Variants in MYRFL observed in about 807,000 individuals in gnomAD.
The protein encoded by MYRFL is myelin regulatory factor like.
MYRFL carries 88 observed loss-of-function variants against 109.4 expected under a neutral mutation model. The observed-to-expected ratio is 0.80, with a 90% confidence interval of 0.68 to 0.96. The LOEUF (loss-of-function observed/expected upper bound fraction) is 0.96, where lower values mean the gene tolerates loss of function less well. MYRFL is among the 40% of genes least tolerant of loss of function. The pLI, the probability that MYRFL is intolerant of heterozygous loss-of-function variation, is 0.00. For missense variants in MYRFL, 957 were observed against 954.9 expected, an observed-to-expected ratio of 1.00 and a Z score of -0.03; for synonymous variants, 324 against 320.9, an observed-to-expected ratio of 1.01 and a Z score of -0.10.
intron 19 of MYRFL, among the ~76,000 whole-genome samples, chr12:69,945,730 G>A (rs534580680): frequency 6.6e-6 from 1 of 152,066 alleles, no homozygotes; most frequent in East Asian, 1.9e-4. Flanking sequence ...GCTCACGCCT[G>A]TAATCCCAGC....
Position 69,957,882 on chromosome 12 carries a change from T to A in MYRFL, c.2511T>A (p.His837Gln), listed in dbSNP as rs1483857016. Residue 837 changes from histidine to glutamine, a missense_variant, in exon 23 of 25, where the codon CAT becomes CAA. His to Gln is a conservative substitution (Grantham distance 24). Transcript: ENST00000552032. ...TCACCCTTGGAAATATATGTTTCCA[T>A]AGTAAAAGGGGAACCAAAGGGCTGG... is the stretch of plus-strand genomic sequence containing the variant. ...CKFTLGNICF[H>Q]SKRGTKGLES... 3 of 1,535,050 alleles carry A rather than the reference T, an allele frequency of 2.0e-6. No individual in the cohort carries two copies. Among genetic ancestry groups the A allele is most frequent in the Non-Finnish European group, 2.6e-6 (3 of 1,146,086 alleles).
At chr12:69,903,061 G>A (rs987368868) in intron 10 of MYRFL, among the ~76,000 whole-genome samples, 9 of 152,136 alleles carry the variant, frequency 5.9e-5, no homozygotes, top group African/African-American at 1.4e-4. Context: ...GTGAATTATC[G>A]CACAACAAAT....
rs931864355 is a variant in MYRFL at position 69,958,518 on chromosome 12, G to T, written c.2720G>T (p.Arg907Leu). 2 of 1,533,490 alleles carry T rather than the reference G, an allele frequency of 1.3e-6. No individual in the cohort carries two copies. The highest frequency in any genetic ancestry group is 3.4e-4 in the Middle Eastern group (2 of 5,868). 95.0% of individuals were successfully genotyped at this position (1,533,490 alleles called of 1,614,324 possible). The change falls in exon 25 of 25, where the codon CGA (arginine) becomes CTA (leucine). Residue 907 changes from arginine to leucine, a missense_variant. Physicochemically the swap from Arg to Leu is moderately radical, Grantham distance 102. Coordinates refer to ENST00000552032, the MANE Select transcript of MYRFL (RefSeq NM_182530.3). ...FFTDYFFYFY[R>L]RCA Reference sequence around the variant, plus strand: ...ACCGATTACTTCTTTTACTTCTATCGACGCTGTGCCTAATTTGTTCAAGTT... The same window carrying T: ...ACCGATTACTTCTTTTACTTCTATCTACGCTGTGCCTAATTTGTTCAAGTT...
At chr12:69,906,431 G>T (rs1191258534) in intron 11 of MYRFL, among the ~76,000 whole-genome samples, 1 of 152,132 alleles carries the variant, frequency 6.6e-6, no homozygotes, top group Non-Finnish European at 1.5e-5. Context: ...GGAAGGACAC[G>T]CTGAACACTA....
At chr12:69,926,836 C>T (rs542061210) in intron 14 of MYRFL, 102 bp downstream of exon 14, 30 of 1,059,922 alleles carry the variant, frequency 2.8e-5, no homozygotes, top group Middle Eastern at 4.4e-4. Flanking sequence ...AAACAGCAAC[C>T]GCTACTTTCT....
At chr12:69,901,391 C>T (rs1001556712) in intron 10 of MYRFL, among the ~76,000 whole-genome samples, 1 of 152,166 alleles carries the variant, frequency 6.6e-6, no homozygotes, top group African/African-American at 2.4e-5. Flanking sequence ...ATGAGGAATT[C>T]TCCCTAGGGC....
Position 69,936,161 on chromosome 12 carries a change from C to G in MYRFL, c.1965C>G (p.Asp655Glu). 1 of 1,446,200 alleles carries G rather than the reference C, an allele frequency of 6.9e-7. No individual in the cohort carries two copies. The highest frequency in any genetic ancestry group is 9.1e-7 in the Non-Finnish European group (1 of 1,097,960). The allele number at this position is 1,446,200 out of a possible 1,614,324, so 89.6% of individuals were successfully genotyped here. ...ALYILSLKDQ[D>E]RRVPNLPPSN... ...ATATACTTAGCTTAAAAGATCAAGA[C>G]CGACGTGTCCCAAATCTCCCTCCAA... Residue 655 changes from aspartate to glutamate, a missense_variant, in exon 17 of 25, where the codon GAC becomes GAG. Asp to Glu is a conservative substitution (Grantham distance 45). Transcript: ENST00000552032.
intron 19 of MYRFL, among the ~76,000 whole-genome samples, chr12:69,945,632 T>G (rs1051474807): frequency 1.1e-4 from 17 of 152,288 alleles, no homozygotes; most frequent in African/African-American, 4.1e-4. Context: ...TTGGGAAGAA[T>G]AGCCCTTATT....
chr12:69,852,953 A>C (rs1379422338), intron 1 of MYRFL, among the ~76,000 whole-genome samples: 2 of 152,202 alleles, frequency 1.3e-5, no homozygotes, highest in African/African-American at 2.4e-5. Flanking sequence ...TTTTCTTAGT[A>C]CAGAACAAAA....
chr12:69,852,650 G>T (rs1425014359), intron 1 of MYRFL, among the ~76,000 whole-genome samples: 1 of 144,980 alleles, frequency 6.9e-6, no homozygotes, highest in Admixed American at 7.0e-5. Context: ...GATTTGGCAG[G>T]GTCATAGGAC....
chr12:69,889,722 A>G lies in MYRFL; in HGVS notation c.708-1249A>G, dbSNP rs1886678754. Reference sequence around the variant, plus strand: ...AATACAAAAATTGGTTGGGCATGGTAGCTGGAGCCTGTAATCCCAGCTACT... The same window carrying G: ...AATACAAAAATTGGTTGGGCATGGTGGCTGGAGCCTGTAATCCCAGCTACT... On this transcript the variant is annotated intron_variant, in intron 6 of 24. Coordinates refer to ENST00000552032, the MANE Select transcript of MYRFL (RefSeq NM_182530.3). Among the ~76,000 whole-genome samples, 2 of 152,178 alleles carry G rather than the reference A, an allele frequency of 1.3e-5. 1 individual carries two copies. Among genetic ancestry groups the G allele is most frequent in the Middle Eastern group, 6.8e-3 (2 of 294 alleles).
intron 2 of MYRFL, among the ~76,000 whole-genome samples, chr12:69,857,215 C>T (rs1884348157): frequency 6.6e-6 from 1 of 151,858 alleles, no homozygotes; most frequent in South Asian, 2.1e-4. Flanking sequence ...CATTCCTTTC[C>T]ATTGATCTAC....
intron 5 of MYRFL, among the ~76,000 whole-genome samples, chr12:69,882,312 A>G (rs1185841537): frequency 6.8e-6 from 1 of 146,464 alleles, no homozygotes; most frequent in African/African-American, 2.7e-5. Flanking sequence ...AAGAAAAAAG[A>G]AAGAAAGAAA....
In MYRFL at chr12:69,936,090, T is replaced by TG; in HGVS notation, c.1917-23_1917-22insG. The stretch of plus-strand genomic sequence containing the variant: ...TCTGCCACATAATGTTTTTTTTTTT[T>TG]TTTTTTTTTTTTTTTTTGACAGTGC... On this transcript the variant is annotated intron_variant, in intron 16 of 24. Transcript: ENST00000552032. 20 of 1,369,472 alleles carry TG rather than the reference T, an allele frequency of 1.5e-5. No individual in the cohort carries two copies. In the African/African-American group the frequency reaches 1.5e-4, roughly 10 times the overall value. 84.8% of individuals were successfully genotyped at this position (1,369,472 alleles called of 1,614,324 possible).
intron 10 of MYRFL, among the ~76,000 whole-genome samples, chr12:69,901,860 C>T (rs1168054419): frequency 6.6e-6 from 1 of 151,734 alleles, no homozygotes; most frequent in African/African-American, 2.4e-5. Flanking sequence ...TACCCTCCCA[C>T]CCCATTACAT....
chr12:69,927,705 G>C lies in MYRFL; in HGVS notation c.1787G>C (p.Ser596Thr), dbSNP rs1380965947. The change falls in exon 15 of 25, where the codon AGT becomes ACT. Residue 596 changes from serine to threonine, a missense_variant. By Grantham distance (58) the Ser-to-Thr change is moderately conservative. Transcript: ENST00000552032. ...STISKSSRAV[S>T]ASSPRRAVHK... ...TAAAGCAAATCTAGCAGAGCCGTTA[G>C]TGCATCTTCTCCAAGAAGGGCCGTT... 3.3e-6 allele frequency: 5 copies of C among 1,533,842 alleles called. No individual in the cohort carries two copies. Among genetic ancestry groups the C allele is most frequent in the Non-Finnish European group, 3.5e-6 (4 of 1,146,480 alleles).
Position 69,879,212 on chromosome 12 carries a change from C to G in MYRFL, c.223C>G (p.Leu75Val), listed in dbSNP as rs996558141. Reference sequence around the variant, plus strand: ...CTCCCCAGGTGCATGCTACCCAACCCTGAGGCCCACAGCTGGGAGGACTCC... The same window carrying G: ...CTCCCCAGGTGCATGCTACCCAACCGTGAGGCCCACAGCTGGGAGGACTCC... Reference protein sequence around the residue: ...PQVKGACYPTLRPTAGRTPAP... With the variant: ...PQVKGACYPTVRPTAGRTPAP... Residue 75 changes from leucine to valine, a missense_variant, in exon 4 of 25, where the codon CTG becomes GTG. Coordinates refer to ENST00000552032, the MANE Select transcript of MYRFL (RefSeq NM_182530.3). 1.4e-6 allele frequency: 1 copy of G among 702,874 alleles called. No individual in the cohort carries two copies. The highest frequency in any genetic ancestry group is 2.6e-6 in the Non-Finnish European group (1 of 384,848). The allele number at this position is 702,874 out of a possible 1,614,324, so 43.5% of individuals were successfully genotyped here.
chr12:69,840,640 C>T (rs1353492220), intron 1 of MYRFL, among the ~76,000 whole-genome samples: 1 of 152,154 alleles, frequency 6.6e-6, no homozygotes, highest in African/African-American at 2.4e-5. Context: ...GTTCATTTAG[C>T]GTCTAGTTGA....
At chr12:69,883,682 G>A (rs996383938) in intron 5 of MYRFL, among the ~76,000 whole-genome samples, 2 of 133,954 alleles carry the variant, frequency 1.5e-5, no homozygotes, top group Non-Finnish European at 3.1e-5. Flanking sequence ...GGGCAACAAA[G>A]TAAGATCCTG....
Sources: gnomAD v4.1 joint callset for allele counts (sites outside exome capture counted in the v4.1 genomes callset) on GRCh38, gnomAD v4.1.1 for gene constraint, MANE v1.5 for transcripts, NCBI Gene and HGNC (gene_info 2026-07-23, HGNC 2026-07-21) for gene names.